Variants in NEBL observed in about 807,000 individuals in gnomAD.
The protein encoded by NEBL is nebulette.
A neutral mutation model predicts 140.2 loss-of-function variants in NEBL; 122 were observed. The ratio of observed to expected loss-of-function variants is 0.87; its 90% confidence interval spans 0.75 to 1.01. The LOEUF (loss-of-function observed/expected upper bound fraction) is 1.01. NEBL is among the 50% of genes least tolerant of loss of function. NEBL has a pLI of 0.00. For synonymous variants in NEBL, 436 were observed against 398.9 expected (o/e 1.09, Z -1.11); for missense variants, 1,365 against 1,231.3 (o/e 1.11, Z -1.62).
intron 2 of NEBL, among the ~76,000 whole-genome samples, chr10:21,062,836 G>T (rs929352199): frequency 3.9e-5 from 6 of 152,126 alleles, no homozygotes; most frequent in Admixed American, 2.6e-4. Context: ...TCTCTGGAAG[G>T]TAACAATGCT....
intron 9 of NEBL, among the ~76,000 whole-genome samples, chr10:20,857,554 C>T (rs571408173): frequency 6.6e-5 from 10 of 152,054 alleles, no homozygotes; most frequent in Non-Finnish European, 1.3e-4. Flanking sequence ...ATGAGATGTA[C>T]AAAATGGAGC....
At chr10:20,870,727 T>C (rs1217345975) in intron 5 of NEBL, among the ~76,000 whole-genome samples, 1 of 152,232 alleles carries the variant, frequency 6.6e-6, no homozygotes, top group Non-Finnish European at 1.5e-5. Flanking sequence ...TTGGAATGAC[T>C]TGAGCCTCCC....
rs190242654 is a variant in NEBL at position 20,922,387 on chromosome 10, C to T, written c.357+39285G>A. Among the ~76,000 whole-genome samples, 16 of 152,288 alleles carry T rather than the reference C, an allele frequency of 1.1e-4. 1 individual carries two copies. The South Asian group carries it at 1.2e-3, about 12-fold the overall frequency. ...CGATATGTTTTATTCTCCATTTATC[C>T]GGGATGTGTACAGTGATACTCCAAT... On this transcript the variant is annotated intron_variant, in intron 4 of 6. Coordinates refer to the NEBL transcript ENST00000417816.
intron 24 of NEBL, among the ~76,000 whole-genome samples, chr10:20,811,803 G>T (rs887239662): frequency 3.9e-5 from 6 of 152,154 alleles, no homozygotes; most frequent in African/African-American, 1.4e-4. Context: ...TATTCTTTAA[G>T]CTACGTAACT....
At chr10:21,276,589 G>A (rs1176365368) in intron 1 of NEBL, among the ~76,000 whole-genome samples, 1 of 152,184 alleles carries the variant, frequency 6.6e-6, no homozygotes, top group Non-Finnish European at 1.5e-5. Context: ...CCTTTGGGAG[G>A]CCGAGGTGGA....
intron 2 of NEBL, among the ~76,000 whole-genome samples, chr10:21,250,774 G>C (rs913298624): frequency 6.6e-6 from 1 of 151,972 alleles, no homozygotes; most frequent in African/African-American, 2.4e-5. Flanking sequence ...AATTAGCCAG[G>C]CATGGTGGTA....
chr10:21,134,002 G>A (rs147993968), intron 2 of NEBL, among the ~76,000 whole-genome samples: 8 of 152,266 alleles, frequency 5.3e-5, no homozygotes, highest in Admixed American at 6.5e-5. Context: ...TGAGGTAGGC[G>A]GATCACTGGA....
At chr10:20,994,839 A>T (rs1008438211) in intron 3 of NEBL, among the ~76,000 whole-genome samples, 25 of 152,246 alleles carry the variant, frequency 1.6e-4, no homozygotes, top group African/African-American at 6.0e-4. Flanking sequence ...AAAGGTCTTC[A>T]TCCTCATTGT....
intron 4 of NEBL, among the ~76,000 whole-genome samples, chr10:20,924,054 G>A (rs1404556233): frequency 5.9e-5 from 9 of 152,062 alleles, no homozygotes; most frequent in Non-Finnish European, 8.8e-5. Context: ...GTTTCCTCTC[G>A]ATATACAGCA....
At chr10:20,819,104 G>A in intron 20 of NEBL, 1 of 1,006,772 alleles carries the variant, frequency 9.9e-7, no homozygotes, top group Non-Finnish European at 1.3e-6. Flanking sequence ...ACATGTGCAG[G>A]TTTGTTACAC....
At chr10:21,030,822 A>G in intron 2 of NEBL, 2 of 354,346 alleles carry the variant, frequency 5.6e-6, no homozygotes, top group South Asian at 2.3e-5. Context: ...TGTGACAATG[A>G]TATTAGTCAT....
At chr10:20,852,087 T>A (rs545453852) in intron 10 of NEBL, among the ~76,000 whole-genome samples, 2 of 152,238 alleles carry the variant, frequency 1.3e-5, no homozygotes, top group African/African-American at 2.4e-5. Context: ...TACCTAGAAT[T>A]TCATATTGGA....
chr10:20,861,562 C>T (rs1305930768), intron 7 of NEBL, among the ~76,000 whole-genome samples: 2 of 152,088 alleles, frequency 1.3e-5, no homozygotes, highest in Admixed American at 6.6e-5. Flanking sequence ...GTTTGTAGTG[C>T]CTAAAGGATA....
intron 5 of NEBL, among the ~76,000 whole-genome samples, chr10:20,879,040 C>T (rs1328652153): frequency 6.6e-6 from 1 of 152,178 alleles, no homozygotes; most frequent in Non-Finnish European, 1.5e-5. Context: ...AATTTCGTCT[C>T]TTCAGTGTCA....
At chr10:21,120,278 G>A (rs1044356563) in intron 2 of NEBL, among the ~76,000 whole-genome samples, 5 of 149,814 alleles carry the variant, frequency 3.3e-5, no homozygotes, top group Admixed American at 3.3e-4. Flanking sequence ...TGGAGGCTGA[G>A]ATAGAAGGAT....
chr10:20,862,529 GAC>G (rs1843823257), intron 7 of NEBL, among the ~76,000 whole-genome samples: 1 of 152,160 alleles, frequency 6.6e-6, no homozygotes, highest in South Asian at 2.1e-4. Flanking sequence ...CAACTACACA[GAC>G]ACACTCAACA....
chr10:20,944,704 A>T (rs1328757296), intron 4 of NEBL, among the ~76,000 whole-genome samples: 2 of 152,258 alleles, frequency 1.3e-5, no homozygotes, highest in African/African-American at 4.8e-5. Context: ...TTTACAAACC[A>T]CACAGACACC....
intron 3 of NEBL, among the ~76,000 whole-genome samples, chr10:21,004,780 G>A (rs1033605792): frequency 6.6e-6 from 1 of 152,140 alleles, no homozygotes; most frequent in Non-Finnish European, 1.5e-5. Context: ...CCTGTCAGTG[G>A]GTCTGGGGCC....
At chr10:21,053,774 T>C (rs602053) in intron 2 of NEBL, among the ~76,000 whole-genome samples, 61,133 of 151,994 alleles carry the variant, frequency 0.4, 12,350 homozygotes, top group Middle Eastern at 0.47. Flanking sequence ...GGCTCAAATC[T>C]GTAATCCCAG....
Sources: gnomAD v4.1 joint callset for allele counts (sites outside exome capture counted in the v4.1 genomes callset) on GRCh38, gnomAD v4.1.1 for gene constraint, MANE v1.5 for transcripts, NCBI Gene and HGNC (gene_info 2026-07-23, HGNC 2026-07-21) for gene names.